Variants in EXOG observed in about 807,000 individuals in gnomAD.
The protein encoded by EXOG is exo/endonuclease G.
A neutral mutation model predicts 25.8 loss-of-function variants in EXOG; 27 were observed. That is an observed-to-expected ratio of 1.05 (90% CI 0.77 to 1.45). The LOEUF is 1.45. Ranked by LOEUF, EXOG falls within the 40% of genes most tolerant of loss-of-function variation. EXOG has a pLI of 0.00. For synonymous variants in EXOG, 133 were observed against 167.0 expected, an observed-to-expected ratio of 0.80 and a Z score of 1.57; for missense variants, 458 against 450.5, an observed-to-expected ratio of 1.02 and a Z score of -0.15.
In EXOG at chr3:38,507,073, A is replaced by G. The variant is rs923249373; in HGVS notation, c.645+105A>G. ...TTTTATCATTCAAAAAAAATTTTGC[A>G]TTCTACTTTTTAATTTCACTTATTC... is the stretch of plus-strand genomic sequence containing the variant. On this transcript the variant is annotated intron_variant, in intron 5 of 5. Coordinates refer to ENST00000287675, the MANE Select transcript of EXOG (RefSeq NM_005107.4). 3 of 532,810 alleles carry G rather than the reference A, an allele frequency of 5.6e-6. No homozygotes were observed. In the African/African-American group the frequency reaches 5.9e-5, roughly 11 times the overall value. 33.0% of individuals were successfully genotyped at this position (532,810 alleles called of 1,614,324 possible).
chr3:38,502,130 AGGCT>A (rs1356604535), intron 3 of EXOG, among the ~76,000 whole-genome samples: 1 of 152,182 alleles, frequency 6.6e-6, no homozygotes, highest in African/African-American at 2.4e-5. Context: ...CACGTTGGCC[AGGCT>A]GGTCTCAAAC....
At chr3:38,500,311 C>G (rs910522592) in intron 2 of EXOG, 2 of 152,140 alleles carry the variant, frequency 1.3e-5, no homozygotes, top group African/African-American at 4.8e-5. Flanking sequence ...AAATTTATAT[C>G]TTTTCTCAAG....
At chr3:38,508,033 A>G (rs1228440056) in intron 5 of EXOG, among the ~76,000 whole-genome samples, 1 of 152,188 alleles carries the variant, frequency 6.6e-6, no homozygotes, top group Non-Finnish European at 1.5e-5. Flanking sequence ...TGGGAGTCTG[A>G]GGCAGAAGAA....
intron 5 of EXOG, among the ~76,000 whole-genome samples, chr3:38,522,654 G>A (rs555383013): frequency 3.9e-5 from 6 of 152,042 alleles, no homozygotes; most frequent in Non-Finnish European, 1.5e-5. Flanking sequence ...ACAGGCATGC[G>A]CCACCACGCC....
intron 1 of EXOG, 36 bp downstream of exon 1, chr3:38,496,566 A>G (rs769001306): frequency 1.3e-6 from 2 of 1,589,666 alleles, no homozygotes; most frequent in East Asian, 2.2e-5. Context: ...TCGCTGGCCC[A>G]GATTTCGGGC....
intron 2 of EXOG, chr3:38,501,067 G>A: frequency 3.9e-6 from 1 of 253,792 alleles, no homozygotes; most frequent in Non-Finnish European, 7.4e-6. Flanking sequence ...ATTGGTGATT[G>A]TTTTTACTTA....
At chr3:38,518,292 A>G (rs1004236662) in intron 5 of EXOG, among the ~76,000 whole-genome samples, 1 of 152,230 alleles carries the variant, frequency 6.6e-6, no homozygotes. Flanking sequence ...ACTTCAAATG[A>G]CCAGCTAAAA....
At chr3:38,496,723 T>C (rs1048884171) in intron 1 of EXOG, 193 bp downstream of exon 1, 8 of 1,450,058 alleles carry the variant, frequency 5.5e-6, no homozygotes, top group Admixed American at 5.0e-5. Context: ...GCTTCCCTCA[T>C]GTCCTTCCTT....
At chr3:38,522,859 A>G (rs1340765813) in intron 5 of EXOG, among the ~76,000 whole-genome samples, 1 of 152,188 alleles carries the variant, frequency 6.6e-6, no homozygotes, top group Non-Finnish European at 1.5e-5. Context: ...TATTTCATTA[A>G]TTTCAGCCAA....
chr3:38,522,321 A>C (rs1303277641), intron 5 of EXOG, among the ~76,000 whole-genome samples: 1 of 152,222 alleles, frequency 6.6e-6, no homozygotes, highest in African/African-American at 2.4e-5. Context: ...ATTTGGGCTC[A>C]CAAGAAGGAA....
At chr3:38,522,247 T>C (rs2060739385) in intron 5 of EXOG, among the ~76,000 whole-genome samples, 1 of 152,136 alleles carries the variant, frequency 6.6e-6, no homozygotes, top group African/African-American at 2.4e-5. Context: ...CTGTGTGCCA[T>C]GTAGGTAGGA....
At chr3:38,515,180 T>G (rs2125788068) in intron 5 of EXOG, among the ~76,000 whole-genome samples, 1 of 152,318 alleles carries the variant, frequency 6.6e-6, no homozygotes. Flanking sequence ...TGTCTGAAAA[T>G]GTCCTAAAAC....
chr3:38,511,357 G>A (rs1183133741), intron 5 of EXOG, among the ~76,000 whole-genome samples: 2 of 152,066 alleles, frequency 1.3e-5, no homozygotes, highest in Non-Finnish European at 2.9e-5. Context: ...GACAGAGAAA[G>A]TATACGTTGT....
intron 5 of EXOG, among the ~76,000 whole-genome samples, chr3:38,514,773 C>T (rs2060483629): frequency 9.4e-6 from 1 of 106,934 alleles, no homozygotes; most frequent in Non-Finnish European, 1.7e-5. Context: ...CCCCCCCTCC[C>T]CCTGCTTTTT....
chr3:38,510,152 T>C (rs906297891), intron 5 of EXOG, among the ~76,000 whole-genome samples: 3 of 152,124 alleles, frequency 2.0e-5, no homozygotes, highest in African/African-American at 7.2e-5. Context: ...CAGGATAAAA[T>C]ATCAGGCATA....
chr3:38,524,516 T>C lies in EXOG; in HGVS notation c.*154T>C. On this transcript the variant is annotated 3_prime_UTR_variant, in exon 6 of 6. Transcript: ENST00000287675. Reference sequence around the variant, plus strand: ...TGTCATCCAGGCTGGAGTGCAGTGGTGGAATCATAGCTCACTATAGCCTCA... The same window carrying C: ...TGTCATCCAGGCTGGAGTGCAGTGGCGGAATCATAGCTCACTATAGCCTCA... 1 of 1,356,522 alleles carries C rather than the reference T, an allele frequency of 7.4e-7. No homozygotes were observed. The highest frequency in any genetic ancestry group is 9.7e-7 in the Non-Finnish European group (1 of 1,035,698). 84.0% of individuals were successfully genotyped at this position (1,356,522 alleles called of 1,614,324 possible).
intron 5 of EXOG, among the ~76,000 whole-genome samples, chr3:38,520,324 A>G (rs1016695384): frequency 6.6e-6 from 1 of 152,288 alleles, no homozygotes; most frequent in Middle Eastern, 3.4e-3. Context: ...TGTATTTTCT[A>G]GTTAACTCCC....
At chr3:38,521,673 A>G (rs761447961) in intron 5 of EXOG, among the ~76,000 whole-genome samples, 12 of 152,180 alleles carry the variant, frequency 7.9e-5, no homozygotes, top group Non-Finnish European at 1.2e-4. Context: ...TTTGCAAACT[A>G]TGGCTCAGCT....
intron 5 of EXOG, among the ~76,000 whole-genome samples, chr3:38,522,952 T>G (rs180903057): frequency 8.5e-5 from 13 of 152,366 alleles, no homozygotes; most frequent in African/African-American, 3.1e-4. Flanking sequence ...AAATGTTTGA[T>G]ATGACAACAT....
Sources: allele counts gnomAD v4.1 joint callset (sites outside exome capture counted in the v4.1 genomes callset), GRCh38; gene constraint gnomAD v4.1.1; transcripts MANE v1.5; gene names NCBI Gene and HGNC (gene_info 2026-07-23, HGNC 2026-07-21).